VPS45: variants seen among roughly 807,000 people sequenced by gnomAD.
VPS45 encodes the protein vacuolar protein sorting-associated protein 45.
A neutral mutation model predicts 75.9 loss-of-function variants in VPS45; 35 were observed. The ratio of observed to expected loss-of-function variants is 0.46; its 90% CI spans 0.35 to 0.61. The LOEUF is 0.61. Ranked by LOEUF, VPS45 falls within the 20% of genes least tolerant of loss-of-function variation. VPS45 has a pLI of 0.00. For synonymous variants in VPS45, 220 were observed against 238.2 expected (o/e 0.92, Z 0.70); for missense variants, 559 against 685.9 (o/e 0.81, Z 2.07).
intron 14 of VPS45, among the ~76,000 whole-genome samples, chr1:150,129,191 T>G (rs370676410): frequency 1.3e-5 from 2 of 152,298 alleles, no homozygotes; most frequent in African/African-American, 2.4e-5. Flanking sequence ...GTTCTGTATC[T>G]TTAAGGATCT....
At chr1:150,128,893 C>G (rs1658664226) in intron 14 of VPS45, among the ~76,000 whole-genome samples, 4 of 152,278 alleles carry the variant, frequency 2.6e-5, no homozygotes, top group African/African-American at 7.2e-5. Context: ...GTGCGTGCCA[C>G]CACGCCTGGC....
At chr1:150,106,614 G>A (rs1314631121) in intron 13 of VPS45, among the ~76,000 whole-genome samples, 1 of 151,932 alleles carries the variant, frequency 6.6e-6, no homozygotes, top group African/African-American at 2.4e-5. Context: ...TCTCTCTCTT[G>A]CTCTCGCTCT....
At chr1:150,086,203 T>G (rs1366745455) in intron 10 of VPS45, among the ~76,000 whole-genome samples, 1 of 152,144 alleles carries the variant, frequency 6.6e-6, no homozygotes, top group Non-Finnish European at 1.5e-5. Context: ...TTTGATGGCT[T>G]GGGTTTGAAA....
intron 13 of VPS45, chr1:150,099,043 T>G (rs976328354): frequency 1.8e-6 from 2 of 1,102,270 alleles, no homozygotes; most frequent in South Asian, 4.4e-5. Flanking sequence ...CATTGGCCTT[T>G]TTTCCTGCAG....
intron 14 of VPS45, among the ~76,000 whole-genome samples, chr1:150,124,845 C>T (rs764619275): frequency 2.0e-5 from 3 of 151,870 alleles, no homozygotes; most frequent in Admixed American, 6.6e-5. Context: ...AGGCATAAGC[C>T]ACTGTGCCCA....
chr1:150,085,552 C>A (rs1655959617), intron 10 of VPS45, among the ~76,000 whole-genome samples: 1 of 151,950 alleles, frequency 6.6e-6, no homozygotes, highest in African/African-American at 2.4e-5. Context: ...ACTTATTTGG[C>A]AACATAACTT....
intron 14 of VPS45, among the ~76,000 whole-genome samples, chr1:150,124,560 T>TTC (rs1158551675): frequency 6.7e-6 from 1 of 148,310 alleles, no homozygotes; most frequent in Non-Finnish European, 1.5e-5. Flanking sequence ...TTCTTTTTTT[T>TTC]TTTTTGAGAC....
chr1:150,077,592 TTTA>T, intron 6 of VPS45, 74 bp from the exon 7 acceptor site: 1 of 1,014,418 alleles, frequency 9.9e-7, no homozygotes, highest in Non-Finnish European at 1.5e-6. Context: ...AAATGTAGTG[TTTA>T]TTAATTTCCT....
chr1:150,067,689 C>A (rs587603281), upstream of VPS45: 59 of 647,594 alleles, frequency 9.1e-5, no homozygotes, highest in East Asian at 1.6e-3. Flanking sequence ...AGGCTTGGTC[C>A]CCTGTACACT....
At chr1:150,078,240 T>C (rs141519448) in intron 7 of VPS45, among the ~76,000 whole-genome samples, 6 of 152,338 alleles carry the variant, frequency 3.9e-5, no homozygotes, top group South Asian at 2.1e-4. Context: ...AAAAACTTCA[T>C]TGGTTCCCAT....
At chr1:150,074,010 G>GTTTGTTTTTTTT (rs1655226244) in intron 3 of VPS45, among the ~76,000 whole-genome samples, 1 of 19,498 alleles carries the variant, frequency 5.1e-5, no homozygotes, top group African/African-American at 1.2e-4. Context: ...TGTGTGTGTT[G>GTTTGTTTTTTTT]TTTTTGTTTT....
intron 14 of VPS45, among the ~76,000 whole-genome samples, chr1:150,136,171 C>T (rs971859135): frequency 2.1e-5 from 3 of 144,580 alleles, no homozygotes; most frequent in African/African-American, 5.2e-5. Flanking sequence ...ATTGCTTGAA[C>T]CTGGGAGGCA....
chr1:150,143,236 T>C (rs1325716396), intron 14 of VPS45, among the ~76,000 whole-genome samples: 1 of 152,158 alleles, frequency 6.6e-6, no homozygotes, highest in South Asian at 2.1e-4. Context: ...TATTTATGTA[T>C]GTATGTATGA....
In VPS45 at chr1:150,144,920, A is replaced by T. The variant is rs1321080755; in HGVS notation, c.*124A>T. 14 of 1,551,516 alleles carry T rather than the reference A, an allele frequency of 9.0e-6. No homozygotes were observed. The highest frequency in any genetic ancestry group is 1.1e-5 in the Non-Finnish European group (13 of 1,152,696). ...TGGTTGTTAGAACTCATCTCCAGGT[A>T]GCCCACGGATACGTGGTTGGCACAG... On this transcript the variant is annotated 3_prime_UTR_variant, in exon 15 of 15. Coordinates refer to ENST00000644510, the MANE Select transcript of VPS45 (RefSeq NM_007259.5).
At position 150,110,576 on chromosome 1, in the gene VPS45, C is replaced by A. The variant is rs200261431; in HGVS notation, c.1574C>A (p.Thr525Asn). 1 of 1,613,848 alleles carries A rather than the reference C, an allele frequency of 6.2e-7. No individual in the cohort carries two copies. Among genetic ancestry groups the A allele is most frequent in the African/African-American group, 1.3e-5 (1 of 74,992 alleles). ...ALTVYNLNRT[T>N]PGVRIVLGGT... The stretch of plus-strand genomic sequence containing the variant: ...ACAGTTTATAACCTGAACCGCACCA[C>A]TCCTGGAGTGAGGATTGTCCTGGGA... Residue 525 changes from threonine to asparagine, a missense_variant, in exon 14 of 15, where the codon ACT (threonine) becomes AAT (asparagine). Thr to Asn is a moderately conservative substitution (Grantham distance 65). Transcript: ENST00000644510.
intron 14 of VPS45, among the ~76,000 whole-genome samples, chr1:150,119,934 C>A (rs900448777): frequency 3.3e-5 from 5 of 152,102 alleles, no homozygotes; most frequent in African/African-American, 4.8e-5. Context: ...CATGGAGAAA[C>A]CCCGTCTCTA....
At chr1:150,086,602 C>T (rs1210252149) in intron 10 of VPS45, among the ~76,000 whole-genome samples, 3 of 151,958 alleles carry the variant, frequency 2.0e-5, no homozygotes, top group African/African-American at 4.8e-5. Context: ...AAAAATGATC[C>T]TTTTACTCTA....
chr1:150,131,874 G>A (rs1553812472), intron 14 of VPS45, among the ~76,000 whole-genome samples: 1 of 152,020 alleles, frequency 6.6e-6, no homozygotes, highest in Non-Finnish European at 1.5e-5. Flanking sequence ...AATTATCAAT[G>A]TGTGTGGAGA....
chr1:150,125,100 T>C (rs1658434546), intron 14 of VPS45, among the ~76,000 whole-genome samples: 2 of 151,086 alleles, frequency 1.3e-5, no homozygotes, highest in African/African-American at 4.8e-5. Flanking sequence ...AGCTGCAAGT[T>C]TACTTTTATT....
Sources: gnomAD v4.1 joint callset for allele counts (sites outside exome capture counted in the v4.1 genomes callset) on GRCh38, gnomAD v4.1.1 for gene constraint, MANE v1.5 for transcripts, NCBI Gene and HGNC (gene_info 2026-07-23, HGNC 2026-07-21) for gene names.